The following ST7 variants were observed in gnomAD, a reference collection of about 807,000 sequenced individuals.
The protein encoded by ST7 is suppressor of tumorigenicity 7 protein.
Under a neutral mutation model 78.7 loss-of-function variants are expected in ST7, and 28 were observed. That is an observed-to-expected ratio of 0.36 (90% CI 0.26 to 0.49). ST7 has a LOEUF of 0.49. ST7 is among the 20% of genes least tolerant of loss of function. The pLI is 0.99. For missense variants in ST7, 418 were observed against 696.0 expected (o/e 0.60, Z 4.49); for synonymous variants, 247 against 249.6 (o/e 0.99, Z 0.10).
intron 9 of ST7, among the ~76,000 whole-genome samples, chr7:117,153,595 A>G (rs922176252): frequency 2.0e-5 from 3 of 152,254 alleles, no homozygotes; most frequent in Admixed American, 1.3e-4. Context: ...AATGGTCAAC[A>G]GTATTAAATG....
intron 13 of ST7, among the ~76,000 whole-genome samples, chr7:117,214,501 A>T (rs1013940040): frequency 1.3e-5 from 2 of 152,052 alleles, no homozygotes; most frequent in African/African-American, 2.4e-5. Context: ...CTCTAACCAA[A>T]CCTTTCCTCC....
intron 3 of ST7, among the ~76,000 whole-genome samples, chr7:117,122,386 C>G (rs1196160171): frequency 6.6e-6 from 1 of 152,084 alleles, no homozygotes; most frequent in African/African-American, 2.4e-5. Flanking sequence ...CAAGGTTCTG[C>G]AATTATCATG....
chr7:116,985,165 AG>A (rs2116349642), intron 1 of ST7, among the ~76,000 whole-genome samples: 1 of 152,328 alleles, frequency 6.6e-6, no homozygotes, highest in East Asian at 1.9e-4. Context: ...GGTAAAATTT[AG>A]GGTAGGATTT....
At chr7:117,040,687 G>T (rs541451331) in intron 1 of ST7, among the ~76,000 whole-genome samples, 1 of 152,324 alleles carries the variant, frequency 6.6e-6, no homozygotes, top group South Asian at 2.1e-4. Flanking sequence ...AGTTGTACTT[G>T]TTGGTCACTA....
chr7:117,117,593 C>G (rs1802991198), intron 2 of ST7, among the ~76,000 whole-genome samples: 1 of 152,156 alleles, frequency 6.6e-6, no homozygotes, highest in South Asian at 2.1e-4. Context: ...TACCCTTCAT[C>G]ATGATGATTT....
At chr7:117,130,724 A>C (rs1804278223) in intron 5 of ST7, 118 bp downstream of exon 5, 1 of 645,980 alleles carries the variant, frequency 1.5e-6, no homozygotes. Context: ...TAAATTGTTG[A>C]TTGACTAATA....
At chr7:117,217,445 T>A (rs957288210) in intron 13 of ST7, among the ~76,000 whole-genome samples, 4 of 152,196 alleles carry the variant, frequency 2.6e-5, no homozygotes, top group African/African-American at 9.7e-5. Flanking sequence ...TTTTAGTGTA[T>A]CCTATAAAGG....
intron 1 of ST7, among the ~76,000 whole-genome samples, chr7:116,963,705 T>C (rs1792954814): frequency 6.6e-6 from 1 of 150,588 alleles, no homozygotes; most frequent in Admixed American, 6.7e-5. Flanking sequence ...CCATCTCGGC[T>C]CACTGTAAAC....
chr7:117,194,417 C>T (rs948459077), intron 12 of ST7, among the ~76,000 whole-genome samples: 3 of 152,208 alleles, frequency 2.0e-5, no homozygotes, highest in Non-Finnish European at 2.9e-5. Context: ...CTTCACCACC[C>T]CCATTAAGAG....
At chr7:117,218,313 G>C (rs1385981532) in intron 13 of ST7, among the ~76,000 whole-genome samples, 2 of 152,162 alleles carry the variant, frequency 1.3e-5, no homozygotes, top group Non-Finnish European at 2.9e-5. Flanking sequence ...ACTGTTCATA[G>C]GAACAGTGAG....
In ST7 at chr7:117,049,287, G is replaced by A. The variant is rs117455397; in HGVS notation, c.152-50475G>A. Among the ~76,000 whole-genome samples, 35 of 152,180 alleles carry A rather than the reference G, an allele frequency of 2.3e-4. 1 individual carries two copies. In the East Asian group the frequency reaches 3.3e-3, roughly 14 times the overall value. ...TTTTTTCCCAGAATAGGGCACTTTCGTCTACATTGAAAACCTGTTCAGGTA... is the reference window on the plus strand; with the variant it reads ...TTTTTTCCCAGAATAGGGCACTTTCATCTACATTGAAAACCTGTTCAGGTA... On this transcript the variant is annotated intron_variant, in intron 1 of 15. Transcript: ENST00000323984.
chr7:117,184,462 C>T (rs987606297), intron 10 of ST7, among the ~76,000 whole-genome samples: 5 of 152,182 alleles, frequency 3.3e-5, no homozygotes, highest in African/African-American at 7.2e-5. Flanking sequence ...TATTGGAAAG[C>T]GGATGATTTG....
At chr7:117,207,055 G>T (rs1791825716) in intron 12 of ST7, among the ~76,000 whole-genome samples, 1 of 152,018 alleles carries the variant, frequency 6.6e-6, no homozygotes, top group South Asian at 2.1e-4. Flanking sequence ...AAAACGGATG[G>T]CACATATCTA....
intron 1 of ST7, among the ~76,000 whole-genome samples, chr7:117,053,419 A>T (rs1209089356): frequency 6.6e-6 from 1 of 152,160 alleles, no homozygotes; most frequent in Non-Finnish European, 1.5e-5. Flanking sequence ...ACTCACGGGG[A>T]TCTTTGCCCT....
chr7:116,990,844 T>C lies in ST7; in HGVS notation c.151+37153T>C, dbSNP rs1425472498. Among the ~76,000 whole-genome samples, 3 of 152,300 alleles carry C rather than the reference T, an allele frequency of 2.0e-5. No individual in the cohort carries two copies. In the East Asian group the frequency reaches 5.8e-4, roughly 29 times the overall value. On this transcript the variant is annotated intron_variant, in intron 1 of 15. Coordinates refer to ENST00000323984, the MANE Select transcript of ST7 (RefSeq NM_001369598.1). Reference sequence around the variant, plus strand: ...TGTCTTTCCCTCCCCAAAATGAGAATGGAAAATTTAAAAAGTAGACTTTAA... The same window carrying C: ...TGTCTTTCCCTCCCCAAAATGAGAACGGAAAATTTAAAAAGTAGACTTTAA...
chr7:117,097,899 TA>T (rs1563078880), intron 1 of ST7, among the ~76,000 whole-genome samples: 10 of 31,994 alleles, frequency 3.1e-4, no homozygotes, highest in Admixed American at 1.1e-3. Context: ...TATATATATA[TA>T]TATATATATT....
chr7:117,145,607 C>T (rs913737397), intron 9 of ST7: 1 of 152,118 alleles, frequency 6.6e-6, no homozygotes, highest in African/African-American at 2.4e-5. Context: ...AGATTTCCCT[C>T]CTGTCATAAG....
chr7:117,046,024 A>G (rs190542333), intron 1 of ST7, among the ~76,000 whole-genome samples: 2 of 152,316 alleles, frequency 1.3e-5, no homozygotes, highest in East Asian at 3.9e-4. Flanking sequence ...ACACCTTACA[A>G]CAATCCCATG....
At chr7:117,070,650 C>T (rs1798885678) in intron 1 of ST7, among the ~76,000 whole-genome samples, 1 of 151,988 alleles carries the variant, frequency 6.6e-6, no homozygotes, top group South Asian at 2.1e-4. Context: ...ACGCCATTCT[C>T]CTGCCTCAGC....
Sources: gnomAD v4.1 joint callset for allele counts (sites outside exome capture counted in the v4.1 genomes callset) on GRCh38, gnomAD v4.1.1 for gene constraint, MANE v1.5 for transcripts, NCBI Gene and HGNC (gene_info 2026-07-23, HGNC 2026-07-21) for gene names.